Variants in PARD3B observed in about 807,000 individuals in gnomAD.
The protein encoded by PARD3B is par-3 family cell polarity regulator beta.
A neutral mutation model predicts 130.2 loss-of-function variants in PARD3B; 103 were observed. The observed-to-expected ratio is 0.79, with a 90% CI of 0.67 to 0.93. PARD3B has a LOEUF of 0.93. Ranked by LOEUF, PARD3B falls within the 40% of genes least tolerant of loss-of-function variation. The pLI is 0.00. For synonymous variants in PARD3B, 583 were observed against 553.2 expected, an observed-to-expected ratio of 1.05 and a Z score of -0.76; for missense variants, 1,609 against 1,499.2, an observed-to-expected ratio of 1.07 and a Z score of -1.21.
At chr2:204,632,425 G>T (rs2034711891) in intron 1 of PARD3B, among the ~76,000 whole-genome samples, 1 of 152,100 alleles carries the variant, frequency 6.6e-6, no homozygotes, top group South Asian at 2.1e-4. Flanking sequence ...TCTTATCTTT[G>T]TGGGCTTATC....
At chr2:205,478,817 A>G (rs2049119970) in intron 20 of PARD3B, among the ~76,000 whole-genome samples, 2 of 152,184 alleles carry the variant, frequency 1.3e-5, no homozygotes. Context: ...TTCATCTAGA[A>G]ATGTGCATGC....
chr2:205,400,812 GAA>G (rs2046225591), intron 18 of PARD3B, among the ~76,000 whole-genome samples, 199 bp from the exon 19 acceptor site: 4 of 152,134 alleles, frequency 2.6e-5, no homozygotes, highest in African/African-American at 4.8e-5. Context: ...AGGAAGGAAA[GAA>G]GAGAGAAAAG....
At chr2:205,247,600 T>A (rs1263117355) in intron 16 of PARD3B, among the ~76,000 whole-genome samples, 1 of 152,234 alleles carries the variant, frequency 6.6e-6, no homozygotes, top group Non-Finnish European at 1.5e-5. Flanking sequence ...CTGTTACTAA[T>A]TAGTACTGTT....
At chr2:205,387,689 G>T (rs907877646) in intron 18 of PARD3B, among the ~76,000 whole-genome samples, 4 of 152,290 alleles carry the variant, frequency 2.6e-5, no homozygotes, top group African/African-American at 7.2e-5. Flanking sequence ...TGTAATGTTT[G>T]TAAAAAGGAT....
chr2:204,765,262 A>C (rs1355515277), intron 2 of PARD3B, among the ~76,000 whole-genome samples: 27 of 152,174 alleles, frequency 1.8e-4, no homozygotes, highest in Non-Finnish European at 4.4e-5. Flanking sequence ...ATTTAGCCCC[A>C]TCCAAGACCT....
intron 18 of PARD3B, among the ~76,000 whole-genome samples, chr2:205,382,438 T>C (rs2045486884): frequency 6.6e-6 from 1 of 152,166 alleles, no homozygotes; most frequent in African/African-American, 2.4e-5. Context: ...CTTGATCATT[T>C]CATTAAGCCA....
At chr2:204,709,467 A>G (rs2038333706) in intron 2 of PARD3B, among the ~76,000 whole-genome samples, 1 of 152,176 alleles carries the variant, frequency 6.6e-6, no homozygotes, top group East Asian at 1.9e-4. Context: ...GTATGAGCAT[A>G]TGTGTCTTTT....
intron 10 of PARD3B, among the ~76,000 whole-genome samples, chr2:205,157,991 C>T (rs1030585673): frequency 7.2e-5 from 11 of 152,112 alleles, no homozygotes; most frequent in African/African-American, 9.7e-5. Flanking sequence ...AGTATGCTTG[C>T]GGCTAGGTGT....
intron 3 of PARD3B, among the ~76,000 whole-genome samples, chr2:205,001,287 C>T (rs532905856): frequency 1.3e-5 from 2 of 152,334 alleles, no homozygotes; most frequent in East Asian, 1.9e-4. Flanking sequence ...CTGCACCCAG[C>T]CTGCAATGCT....
intron 18 of PARD3B, among the ~76,000 whole-genome samples, chr2:205,373,405 C>T (rs904780337): frequency 5.3e-5 from 8 of 152,114 alleles, no homozygotes; most frequent in African/African-American, 1.2e-4. Context: ...TAGAATTTTT[C>T]ACCACAGCAA....
chr2:204,693,987 C>T (rs1434382911), intron 2 of PARD3B, among the ~76,000 whole-genome samples: 1 of 151,978 alleles, frequency 6.6e-6, no homozygotes, highest in East Asian at 1.9e-4. Context: ...AATGAATGAA[C>T]GTATGCTTTG....
At position 205,125,471 on chromosome 2, in the gene PARD3B, C is replaced by G; in HGVS notation, c.1306-138C>G. On this transcript the variant is annotated intron_variant, in intron 9 of 22. Coordinates refer to ENST00000406610, the MANE Select transcript of PARD3B (RefSeq NM_001302769.2). The surrounding 1 kb of genome is among the most constrained non-coding windows in gnomAD (Gnocchi z 4.0). ...TATGGGAAATATTGTTGGGTTTTGC[C>G]CATGTATTTAGTTATCATCTTTTCA... is the stretch of plus-strand genomic sequence containing the variant. The G allele has an allele frequency of 1.1e-6, 1 of 919,450 alleles. No homozygotes were observed. Among genetic ancestry groups the G allele is most frequent in the Non-Finnish European group, 1.6e-6 (1 of 624,408 alleles). 57.0% of individuals were successfully genotyped at this position (919,450 alleles called of 1,614,324 possible).
chr2:204,757,491 C>T (rs911175516), intron 2 of PARD3B, among the ~76,000 whole-genome samples: 2 of 152,022 alleles, frequency 1.3e-5, no homozygotes, highest in African/African-American at 2.4e-5. Context: ...TTTTGATGTG[C>T]GTATCTCTGA....
intron 3 of PARD3B, among the ~76,000 whole-genome samples, chr2:204,979,535 C>T (rs1022603813): frequency 1.3e-4 from 20 of 152,186 alleles, no homozygotes; most frequent in Middle Eastern, 3.4e-3. Context: ...AATGGACAGC[C>T]ACTACTCACC....
chr2:204,838,246 G>T (rs879852279), intron 2 of PARD3B, among the ~76,000 whole-genome samples: 1 of 149,664 alleles, frequency 6.7e-6, no homozygotes, highest in Non-Finnish European at 1.5e-5. Context: ...GCAGTGGCAC[G>T]ATCTCGGCTC....
intron 22 of PARD3B, among the ~76,000 whole-genome samples, chr2:205,578,889 G>A (rs990112677): frequency 6.6e-6 from 1 of 152,042 alleles, no homozygotes; most frequent in South Asian, 2.1e-4. Flanking sequence ...ATAAGGTAAG[G>A]GCCGTCTCTT....
At chr2:205,060,510 C>T (rs1440461407) in intron 4 of PARD3B, among the ~76,000 whole-genome samples, 1 of 152,116 alleles carries the variant, frequency 6.6e-6, no homozygotes, top group Non-Finnish European at 1.5e-5. Context: ...GTCCCTGACT[C>T]ATCCATTGAC....
intron 14 of PARD3B, among the ~76,000 whole-genome samples, chr2:205,190,049 T>A (rs1417067172): frequency 6.6e-6 from 1 of 152,232 alleles, no homozygotes; most frequent in Non-Finnish European, 1.5e-5. Context: ...TGCAGCCTTT[T>A]ATTTCTTTGA....
At chr2:204,640,429 G>A (rs2035036531) in intron 1 of PARD3B, among the ~76,000 whole-genome samples, 1 of 152,158 alleles carries the variant, frequency 6.6e-6, no homozygotes, top group African/African-American at 2.4e-5. Context: ...AGCAGTCAGA[G>A]TAGTCATTGT....
Sources: allele counts gnomAD v4.1 joint callset (sites outside exome capture counted in the v4.1 genomes callset), GRCh38; gene constraint gnomAD v4.1.1; non-coding constraint Gnocchi (gnomAD v3.1); transcripts MANE v1.5; gene names NCBI Gene and HGNC (gene_info 2026-07-23, HGNC 2026-07-21).